The following LARGE1 variants were observed in gnomAD, a reference collection of about 807,000 sequenced individuals.
The protein encoded by LARGE1 is xylosyl- and glucuronyltransferase LARGE1.
A neutral mutation model predicts 87.6 loss-of-function variants in LARGE1; 43 were observed. The observed-to-expected ratio is 0.49, with a 90% confidence interval of 0.38 to 0.63. The LOEUF is 0.63. LARGE1 is among the 30% of genes least tolerant of loss of function. LARGE1 has a pLI of 0.00. For missense variants in LARGE1, 802 were observed against 1,000.2 expected (o/e 0.80, Z 2.67); for synonymous variants, 434 against 394.6 (o/e 1.10, Z -1.18).
chr22:33,898,183 C>A (rs1043764910), intron 1 of LARGE1, among the ~76,000 whole-genome samples: 1 of 152,102 alleles, frequency 6.6e-6, no homozygotes, highest in African/African-American at 2.4e-5. Flanking sequence ...CTGAATGATG[C>A]GGAAGACAGC....
chr22:33,544,052 C>A (rs1257057028), intron 6 of LARGE1, among the ~76,000 whole-genome samples: 1 of 152,194 alleles, frequency 6.6e-6, no homozygotes, highest in African/African-American at 2.4e-5. Flanking sequence ...GGTGCTGAGT[C>A]TCTCATGAGA....
At chr22:33,825,728 G>T (rs1309944119) in intron 1 of LARGE1, among the ~76,000 whole-genome samples, 1 of 152,100 alleles carries the variant, frequency 6.6e-6, no homozygotes, top group Non-Finnish European at 1.5e-5. Context: ...GATTTGGGTG[G>T]GGCCACAGCA....
At chr22:33,394,181 T>G (rs909718680) in intron 7 of LARGE1, among the ~76,000 whole-genome samples, 10 of 150,440 alleles carry the variant, frequency 6.6e-5, no homozygotes, top group African/African-American at 2.2e-4. Context: ...GGAACTTAAC[T>G]TAGATGACCT....
chr22:33,627,357 T>G (rs1352355749), intron 3 of LARGE1, among the ~76,000 whole-genome samples: 1 of 152,186 alleles, frequency 6.6e-6, no homozygotes. Flanking sequence ...TACTTCCGGA[T>G]TTTGTCCTTT....
intron 7 of LARGE1, among the ~76,000 whole-genome samples, chr22:33,392,020 C>T (rs866754432): frequency 6.6e-6 from 1 of 151,974 alleles, no homozygotes; most frequent in Non-Finnish European, 1.5e-5. Context: ...CCACCTGCCT[C>T]GGCCTCCCCA....
chr22:33,285,204 C>T (rs1931283368), intron 12 of LARGE1, among the ~76,000 whole-genome samples: 3 of 152,144 alleles, frequency 2.0e-5, no homozygotes, highest in Admixed American at 1.3e-4. Flanking sequence ...ACCTTTGGGT[C>T]TCAGGGTCAT....
At chr22:33,717,952 T>C (rs2082961126) in intron 2 of LARGE1, among the ~76,000 whole-genome samples, 1 of 152,186 alleles carries the variant, frequency 6.6e-6, no homozygotes, top group South Asian at 2.1e-4. Context: ...CATCACTCTG[T>C]TTTCATTCCT....
intron 1 of LARGE1, among the ~76,000 whole-genome samples, chr22:33,831,977 C>T (rs2146339323): frequency 6.6e-6 from 1 of 152,330 alleles, no homozygotes; most frequent in South Asian, 2.1e-4. Context: ...ACGTTTCTCA[C>T]CTTTCTGTTC....
At chr22:33,801,100 C>T (rs890263617) in intron 1 of LARGE1, among the ~76,000 whole-genome samples, 1 of 152,170 alleles carries the variant, frequency 6.6e-6, no homozygotes, top group Non-Finnish European at 1.5e-5. Context: ...TCAGGGGTTT[C>T]CGCTTTTGCT....
In LARGE1 at chr22:33,550,176, CATAT is replaced by C. The variant is rs56762247; in HGVS notation, c.787+14668_787+14671del. On this transcript the variant is annotated intron_variant, in intron 6 of 14. Transcript: ENST00000397394. ...ACACACACACACACACACACACACA[CATAT>C]ATATATATGTATGTATGTATATATA... Among the ~76,000 whole-genome samples the C allele has an allele frequency of 6.4e-3, 773 of 120,558 alleles. 4 individuals carry two copies. Among genetic ancestry groups the C allele is most frequent in the Admixed American group, 0.024 (297 of 12,542 alleles). 79.1% of individuals were successfully genotyped at this position (120,558 alleles called of 152,430 possible).
intron 1 of LARGE1, among the ~76,000 whole-genome samples, chr22:33,792,459 T>C (rs996405431): frequency 6.6e-6 from 1 of 152,174 alleles, no homozygotes; most frequent in Non-Finnish European, 1.5e-5. Flanking sequence ...TGTGAATCAA[T>C]TAAACCTCTT....
chr22:33,104,885 CTCTCTCTTTCTTTCTTTCTT>C, the LARGE1 span, among the ~76,000 whole-genome samples: 4 of 29,478 alleles, frequency 1.4e-4, no homozygotes, highest in African/African-American at 2.4e-4. Flanking sequence ...AATAGACTTT[CTCTCTCTTTCTTTCTTTCTT>C]TCTTTCTTTC....
At chr22:33,603,426 T>C (rs1312015142) in intron 5 of LARGE1, among the ~76,000 whole-genome samples, 2 of 152,070 alleles carry the variant, frequency 1.3e-5, no homozygotes, top group Non-Finnish European at 2.9e-5. Context: ...ACCAGAAATA[T>C]AGAAAAGAAT....
chr22:33,085,285 T>TA, the LARGE1 span, among the ~76,000 whole-genome samples: 1 of 151,998 alleles, frequency 6.6e-6, no homozygotes, highest in South Asian at 2.1e-4. Flanking sequence ...CAAAGAAAAA[T>TA]AAAAAAATAA....
At chr22:33,564,272 A>C (rs2077954246) in intron 6 of LARGE1, among the ~76,000 whole-genome samples, 2 of 152,130 alleles carry the variant, frequency 1.3e-5, no homozygotes, top group African/African-American at 4.8e-5. Context: ...CAGTTAGTAC[A>C]CCTACTGAGC....
At chr22:33,194,018 A>G (rs921939854) in intron 11 of LARGE1, among the ~76,000 whole-genome samples, 25 of 149,522 alleles carry the variant, frequency 1.7e-4, no homozygotes, top group African/African-American at 5.8e-4. Flanking sequence ...ATGTCACATT[A>G]TTAAAACAAT....
chr22:33,686,820 T>C (rs558380400), intron 2 of LARGE1, among the ~76,000 whole-genome samples: 2 of 152,300 alleles, frequency 1.3e-5, no homozygotes, highest in Non-Finnish European at 2.9e-5. Context: ...AACAAAAATA[T>C]AGGATGTTCA....
intron 6 of LARGE1, among the ~76,000 whole-genome samples, chr22:33,483,612 G>C (rs1177674287): frequency 6.6e-6 from 1 of 151,672 alleles, no homozygotes; most frequent in African/African-American, 2.4e-5. Flanking sequence ...GTAGCCAAGG[G>C]GAACGAAATA....
intron 9 of LARGE1, among the ~76,000 whole-genome samples, chr22:33,358,658 A>G (rs1305812901): frequency 6.6e-6 from 1 of 152,124 alleles, no homozygotes; most frequent in African/African-American, 2.4e-5. Context: ...ACCAATTTAT[A>G]AATGGACTGG....
Sources: allele counts gnomAD v4.1 joint callset (sites outside exome capture counted in the v4.1 genomes callset), GRCh38; gene constraint gnomAD v4.1.1; transcripts MANE v1.5; gene names NCBI Gene and HGNC (gene_info 2026-07-23, HGNC 2026-07-21).